AGAP1: variants seen among roughly 807,000 people sequenced by gnomAD.
AGAP1 encodes the protein ArfGAP with GTPase domain, ankyrin repeat and PH domain 1.
AGAP1 carries 29 observed loss-of-function variants against 105.3 expected under a neutral mutation model. The ratio of observed to expected loss-of-function variants is 0.28; its 90% CI spans 0.21 to 0.38. The LOEUF (loss-of-function observed/expected upper bound fraction) is 0.38. Ranked by LOEUF, AGAP1 falls within the 10% of genes least tolerant of loss-of-function variation. The pLI, the probability that AGAP1 is intolerant of heterozygous loss-of-function variation, is 1.00. For synonymous variants in AGAP1, 509 were observed against 485.9 expected (o/e 1.05, Z -0.63); for missense variants, 998 against 1,165.1 (o/e 0.86, Z 2.09).
chr2:236,017,014 C>T (rs1389726881), intron 13 of AGAP1, among the ~76,000 whole-genome samples: 5 of 152,016 alleles, frequency 3.3e-5, no homozygotes, highest in Non-Finnish European at 5.9e-5. Flanking sequence ...TCAGGCCAGA[C>T]GCAGTGGCTC....
rs562289870 is a variant in AGAP1, at chr2:236,059,582, G to A, written c.2114+10301G>A. Among the ~76,000 whole-genome samples, 19 of 152,306 alleles carry A rather than the reference G, an allele frequency of 1.2e-4. No homozygotes were observed. The Middle Eastern group carries it at 0.027, about 218-fold the overall frequency. On this transcript the variant is annotated intron_variant, in intron 16 of 17. Coordinates refer to ENST00000304032, the MANE Select transcript of AGAP1 (RefSeq NM_001037131.3). ...TTTCAGAATTTACTGCAAAAGCATG[G>A]TGATCCAAGCCTGTGTGATATTGGT... is the stretch of plus-strand genomic sequence containing the variant.
At chr2:236,102,243 CTGTT>C (rs1440343721) in intron 16 of AGAP1, among the ~76,000 whole-genome samples, 4 of 152,080 alleles carry the variant, frequency 2.6e-5, no homozygotes, top group Non-Finnish European at 5.9e-5. Flanking sequence ...CGGTGAAACC[CTGTT>C]TCTACTAAAA....
chr2:235,657,992 G>A (rs373399918), intron 1 of AGAP1, among the ~76,000 whole-genome samples: 1 of 152,186 alleles, frequency 6.6e-6, no homozygotes, highest in African/African-American at 2.4e-5. Context: ...TGTCCACACT[G>A]TGCTGATCTC....
rs1197733614 is a variant in AGAP1 at position 236,035,807 on chromosome 2, A to G, written c.1646-754A>G. Among the ~76,000 whole-genome samples the G allele has an allele frequency of 1.2e-4, 18 of 152,140 alleles. No individual in the cohort carries two copies. Among genetic ancestry groups the G allele is most frequent in the Admixed American group, 1.0e-3 (16 of 15,284 alleles). ...CGCATGGGTCTGTACACTTCATGGA[A>G]CTAGCAGAAAAGCATTAGACAGTCG... On this transcript the variant is annotated intron_variant, in intron 13 of 17. Transcript: ENST00000304032. The surrounding 1 kb of genome is among the most constrained non-coding windows in gnomAD (Gnocchi z 4.2).
chr2:236,029,548 A>C (rs2125634287), intron 13 of AGAP1, among the ~76,000 whole-genome samples: 1 of 152,070 alleles, frequency 6.6e-6, no homozygotes, highest in South Asian at 2.1e-4. Flanking sequence ...GGCCTCCCAA[A>C]GTGTTGGGAT....
At position 235,891,252 on chromosome 2, in the gene AGAP1, T is replaced by A. The variant is rs1422820340; in HGVS notation, c.1155+7803T>A. 6.6e-6 allele frequency among the ~76,000 whole-genome samples: 1 copy of A among 152,184 alleles called. No individual in the cohort carries two copies. Among genetic ancestry groups the A allele is most frequent in the Non-Finnish European group, 1.5e-5 (1 of 68,028 alleles). ...GCAATGATAACCCTAAACATTTAAATAAGACTGACACGGTCAAAGCAAGCA... is the reference window on the plus strand; with the variant it reads ...GCAATGATAACCCTAAACATTTAAAAAAGACTGACACGGTCAAAGCAAGCA... On this transcript the variant is annotated intron_variant, in intron 10 of 17. Coordinates refer to ENST00000304032, the MANE Select transcript of AGAP1 (RefSeq NM_001037131.3). This position sits in a 1 kb window ranked among gnomAD's most constrained non-coding sequence, Gnocchi z 4.2.
Position 235,919,611 on chromosome 2 carries a change from G to A in AGAP1, c.1324+10705G>A, listed in dbSNP as rs1559647002. On this transcript the variant is annotated intron_variant, in intron 11 of 17. Transcript: ENST00000304032. The surrounding 1 kb of genome is among the most constrained non-coding windows in gnomAD (Gnocchi z 4.1). ...ATACTTCTCAGGATAGAGCTGTGGG[G>A]CCACCTGCTCCTGGAAGGGGACTGT... Among the ~76,000 whole-genome samples, 1 of 152,128 alleles carries A rather than the reference G, an allele frequency of 6.6e-6. No individual in the cohort carries two copies. The highest frequency in any genetic ancestry group is 1.5e-5 in the Non-Finnish European group (1 of 68,006).
chr2:235,715,845 G>A (rs892266072), intron 2 of AGAP1, among the ~76,000 whole-genome samples: 2 of 152,134 alleles, frequency 1.3e-5, no homozygotes, highest in Non-Finnish European at 2.9e-5. Context: ...ACTGGGAGTC[G>A]GGGATGGCCT....
At position 236,055,010 on chromosome 2, in the gene AGAP1, T is replaced by C. The variant is rs2058013001; in HGVS notation, c.2114+5729T>C. Among the ~76,000 whole-genome samples the C allele has an allele frequency of 6.6e-6, 1 of 152,200 alleles. No individual in the cohort carries two copies. The highest frequency in any genetic ancestry group is 6.5e-5 in the Admixed American group (1 of 15,286). ...ATTTTGCAACTGGCTGATTTAATGA[T>C]CCAAAGGGTAATTAATGGCCTGATT... is the stretch of plus-strand genomic sequence containing the variant. On this transcript the variant is annotated intron_variant, in intron 16 of 17. Coordinates refer to ENST00000304032, the MANE Select transcript of AGAP1 (RefSeq NM_001037131.3). This position sits in a 1 kb window ranked among gnomAD's most constrained non-coding sequence, Gnocchi z 6.2.
At chr2:235,646,136 G>A (rs546121670) in intron 1 of AGAP1, among the ~76,000 whole-genome samples, 8 of 152,136 alleles carry the variant, frequency 5.3e-5, no homozygotes, top group Non-Finnish European at 1.0e-4. Flanking sequence ...TTAGCTGGGC[G>A]TGGTGGTGGG....
At chr2:236,011,662 CA>C (rs757184985) in intron 13 of AGAP1, among the ~76,000 whole-genome samples, 2 of 152,066 alleles carry the variant, frequency 1.3e-5, no homozygotes, top group Non-Finnish European at 1.5e-5. Context: ...GTAACAAAAT[CA>C]AAATAAGTTA....
chr2:235,641,638 TC>T (rs371454376), intron 1 of AGAP1, among the ~76,000 whole-genome samples: 1 of 152,096 alleles, frequency 6.6e-6, no homozygotes. Context: ...GGCTTTACTT[TC>T]CCCCCCACAT....
chr2:236,125,486 C>CA lies in AGAP1; in HGVS notation c.*1365dup, dbSNP rs1403906165. Reference sequence around the variant, plus strand: ...TAAAATTGAGAAAGAAAAAAAAAGACACACTGGAGTATATTAGAAAGGAAA... The same window carrying CA: ...TAAAATTGAGAAAGAAAAAAAAAGACAACACTGGAGTATATTAGAAAGGAAA... On this transcript the variant is annotated 3_prime_UTR_variant, in exon 18 of 18. Coordinates refer to ENST00000304032, the MANE Select transcript of AGAP1 (RefSeq NM_001037131.3). The surrounding 1 kb of genome is among the most constrained non-coding windows in gnomAD (Gnocchi z 5.2). 1 of 152,100 alleles carries CA rather than the reference C, an allele frequency of 6.6e-6. No individual in the cohort carries two copies. The highest frequency in any genetic ancestry group is 1.5e-5 in the Non-Finnish European group (1 of 68,022). The allele number at this position is 152,100 out of a possible 1,614,324, so 9.4% of individuals were successfully genotyped here. A position where few individuals can be genotyped will look rare whatever the true frequency, so the allele number is the denominator to read the frequency against.
At chr2:235,563,794 T>C (rs1559251072) in intron 1 of AGAP1, among the ~76,000 whole-genome samples, 1 of 152,206 alleles carries the variant, frequency 6.6e-6, no homozygotes, top group Non-Finnish European at 1.5e-5. Context: ...CTAGGCACTG[T>C]GCTGGCTGCT....
chr2:235,987,108 G>GTTAGTTAT (rs1553697797), intron 13 of AGAP1, among the ~76,000 whole-genome samples: 2 of 147,796 alleles, frequency 1.4e-5, no homozygotes, highest in East Asian at 2.0e-4. Flanking sequence ...GCTTTTTATT[G>GTTAGTTAT]TTATTTATTT....
In AGAP1 at chr2:236,038,819, A is replaced by ATGTGTGTGTG. The variant is rs3030744; in HGVS notation, c.1801-1911_1801-1902dup. ...GAGAGACAGAGGCACATCCCTTTGT[A>ATGTGTGTGTG]TGTGTGTGTGTGTGTGTGTGTGTGT... On this transcript the variant is annotated intron_variant, in intron 14 of 17. Transcript: ENST00000304032. This position sits in a 1 kb window ranked among gnomAD's most constrained non-coding sequence, Gnocchi z 4.5. Among the ~76,000 whole-genome samples, 10 of 95,750 alleles carry ATGTGTGTGTG rather than the reference A, an allele frequency of 1.0e-4. 1 individual carries two copies. In the South Asian group the frequency reaches 1.9e-3, roughly 18 times the overall value. 62.8% of individuals were successfully genotyped at this position (95,750 alleles called of 152,430 possible).
rs1381811676 is a variant in AGAP1, at chr2:235,574,002, G to T, written c.163+79153G>T. 1.3e-5 allele frequency among the ~76,000 whole-genome samples: 2 copies of T among 152,172 alleles called. No individual in the cohort carries two copies. The highest frequency in any genetic ancestry group is 2.9e-5 in the Non-Finnish European group (2 of 68,042). ...TATTGACCCCTCCCTTCCTGTGTTG[G>T]CCAGGAGCCCACTGGCTTCACCAGA... is the stretch of plus-strand genomic sequence containing the variant. On this transcript the variant is annotated intron_variant, in intron 1 of 17. Transcript: ENST00000304032. The surrounding 1 kb of genome is among the most constrained non-coding windows in gnomAD (Gnocchi z 5.0).
chr2:235,651,398 A>G (rs1282550461), intron 1 of AGAP1, among the ~76,000 whole-genome samples: 1 of 152,078 alleles, frequency 6.6e-6, no homozygotes, highest in Non-Finnish European at 1.5e-5. Flanking sequence ...CCTCATTTTG[A>G]CAAGCTTAAG....
rs2056846191 is a variant in AGAP1, at chr2:236,020,400, C to G, written c.1646-16161C>G. 6.6e-6 allele frequency among the ~76,000 whole-genome samples: 1 copy of G among 152,154 alleles called. No individual in the cohort carries two copies. On this transcript the variant is annotated intron_variant, in intron 13 of 17. Coordinates refer to ENST00000304032, the MANE Select transcript of AGAP1 (RefSeq NM_001037131.3). This position sits in a 1 kb window ranked among gnomAD's most constrained non-coding sequence, Gnocchi z 5.0. ...GGGGGAATTTAGAAATGAAACTTAA[C>G]CTGTTATCTAGACTTTTAAACCTAC...
Sources: gnomAD v4.1 joint callset for allele counts (sites outside exome capture counted in the v4.1 genomes callset) on GRCh38, gnomAD v4.1.1 for gene constraint, Gnocchi (gnomAD v3.1) non-coding constraint, MANE v1.5 for transcripts, NCBI Gene and HGNC (gene_info 2026-07-23, HGNC 2026-07-21) for gene names.